UNC5D: variants seen among roughly 807,000 people sequenced by gnomAD.
UNC5D encodes the protein unc-5 netrin receptor D.
A neutral mutation model predicts 105.4 loss-of-function variants in UNC5D; 39 were observed. The observed-to-expected ratio is 0.37, with a 90% confidence interval of 0.29 to 0.48. The LOEUF is 0.48. Among genes scored for constraint, UNC5D ranks in the 20% least tolerant of loss-of-function variants. The pLI is 0.98. For missense variants in UNC5D, 991 were observed against 1,202.4 expected (o/e 0.82, Z 2.60); for synonymous variants, 452 against 450.4 (o/e 1.00, Z -0.04).
Position 35,274,269 on chromosome 8 carries a change from G to A in UNC5D, c.103+38382G>A, listed in dbSNP as rs889210866. ...AAAAGGACTGCCAGGGTGAAAAGCC[G>A]AGAGTGAAATGGTTTCTTCAGATGA... On this transcript the variant is annotated intron_variant, in intron 1 of 16. Transcript: ENST00000404895. Among the ~76,000 whole-genome samples, 11 of 152,186 alleles carry A rather than the reference G, an allele frequency of 7.2e-5. No homozygotes were observed. In the East Asian group the frequency reaches 9.6e-4, roughly 13 times the overall value.
rs1815949282 is a variant in UNC5D at position 35,549,527 on chromosome 8, G to C, written c.322+17G>C. On this transcript the variant is annotated intron_variant, in intron 2 of 16. Transcript: ENST00000404895. The stretch of plus-strand genomic sequence containing the variant: ...AGAGCTCAGGTAGGAGCGTGCAGCA[G>C]TCAGAAGCAGCTGTGGTGACTCTTT... The C allele has an allele frequency of 6.2e-7, 1 of 1,606,520 alleles. No individual in the cohort carries two copies. Among genetic ancestry groups the C allele is most frequent in the Non-Finnish European group, 8.5e-7 (1 of 1,176,816 alleles).
chr8:35,575,923 G>A (rs1343933930), intron 3 of UNC5D, among the ~76,000 whole-genome samples: 7 of 151,960 alleles, frequency 4.6e-5, no homozygotes, highest in African/African-American at 1.5e-4. Flanking sequence ...CTCACATTCC[G>A]GAGTATGCAT....
intron 1 of UNC5D, among the ~76,000 whole-genome samples, chr8:35,405,570 G>A (rs1218743630): frequency 6.6e-6 from 1 of 152,088 alleles, no homozygotes. Flanking sequence ...TGTGAAAGAA[G>A]TATAAGAAAA....
intron 3 of UNC5D, among the ~76,000 whole-genome samples, chr8:35,592,104 T>G (rs1003309533): frequency 6.6e-6 from 1 of 152,232 alleles, no homozygotes; most frequent in Non-Finnish European, 1.5e-5. Flanking sequence ...TTCAGTTTTC[T>G]GCAATATTCA....
intron 1 of UNC5D, among the ~76,000 whole-genome samples, chr8:35,471,836 T>C: frequency 6.6e-6 from 1 of 152,182 alleles, no homozygotes; most frequent in East Asian, 1.9e-4. Flanking sequence ...TAAAGATCCA[T>C]TGAGTTATTA....
Position 35,687,759 on chromosome 8 carries a change from C to A in UNC5D, c.1084+1050C>A, listed in dbSNP as rs981210303. 5.9e-5 allele frequency among the ~76,000 whole-genome samples: 9 copies of A among 152,084 alleles called. No individual in the cohort carries two copies. In the Middle Eastern group the frequency reaches 0.01, roughly 172 times the overall value. ...TGACTATAGTTACCAAATATGATACCCACTTTTTAGTATTGTCAAGGCTAA... is the reference window on the plus strand; with the variant it reads ...TGACTATAGTTACCAAATATGATACACACTTTTTAGTATTGTCAAGGCTAA... On this transcript the variant is annotated intron_variant, in intron 7 of 16. Transcript: ENST00000404895.
At chr8:35,258,833 C>T (rs1166497390) in intron 1 of UNC5D, among the ~76,000 whole-genome samples, 1 of 151,994 alleles carries the variant, frequency 6.6e-6, no homozygotes, top group Admixed American at 6.6e-5. Flanking sequence ...GGCATCACAG[C>T]CAAGAGCCTC....
chr8:35,372,581 G>A (rs1198987437), intron 1 of UNC5D, among the ~76,000 whole-genome samples: 1 of 151,194 alleles, frequency 6.6e-6, no homozygotes. Context: ...TTCATAATAG[G>A]CCAAATGCTC....
chr8:35,484,895 T>C (rs1430964855), intron 1 of UNC5D, among the ~76,000 whole-genome samples: 1 of 152,178 alleles, frequency 6.6e-6, no homozygotes, highest in Non-Finnish European at 1.5e-5. Context: ...TTATTCAATA[T>C]TGATGTAACA....
At chr8:35,407,827 A>G (rs2128955637) in intron 1 of UNC5D, among the ~76,000 whole-genome samples, 1 of 152,184 alleles carries the variant, frequency 6.6e-6, no homozygotes, top group African/African-American at 2.4e-5. Flanking sequence ...TGCTAAGGAT[A>G]ATGGCCTCCA....
chr8:35,436,327 T>C (rs971428463), intron 1 of UNC5D, among the ~76,000 whole-genome samples: 2 of 152,096 alleles, frequency 1.3e-5, no homozygotes, highest in Non-Finnish European at 1.5e-5. Flanking sequence ...TTTGAAGATG[T>C]TTAAATTTAT....
chr8:35,770,148 T>C (rs1221116904), intron 15 of UNC5D, among the ~76,000 whole-genome samples: 3 of 152,154 alleles, frequency 2.0e-5, no homozygotes. Flanking sequence ...CACATCATAC[T>C]TCATGTCCCC....
chr8:35,322,760 A>G (rs2128887331), intron 1 of UNC5D, among the ~76,000 whole-genome samples: 1 of 152,328 alleles, frequency 6.6e-6, no homozygotes, highest in Non-Finnish European at 1.5e-5. Context: ...TTTCCTAATC[A>G]TGGCACAAGG....
At chr8:35,708,240 G>C (rs1827719845) in intron 8 of UNC5D, among the ~76,000 whole-genome samples, 1 of 152,186 alleles carries the variant, frequency 6.6e-6, no homozygotes, top group South Asian at 2.1e-4. Flanking sequence ...GAGTTGCGGG[G>C]AGGTGTAAAA....
At chr8:35,431,788 G>A (rs116613625) in intron 1 of UNC5D, among the ~76,000 whole-genome samples, 2 of 151,952 alleles carry the variant, frequency 1.3e-5, no homozygotes, top group Non-Finnish European at 2.9e-5. Context: ...TCTATATTTC[G>A]ATAATGTGTG....
At chr8:35,697,295 T>C (rs1004770987) in intron 7 of UNC5D, among the ~76,000 whole-genome samples, 2 of 150,750 alleles carry the variant, frequency 1.3e-5, no homozygotes, top group African/African-American at 4.9e-5. Context: ...ATATATAATA[T>C]GAAAATAACA....
intron 1 of UNC5D, among the ~76,000 whole-genome samples, chr8:35,391,533 G>A (rs1458612768): frequency 6.6e-6 from 1 of 152,134 alleles, no homozygotes; most frequent in Admixed American, 6.5e-5. Context: ...CTTCACAGCT[G>A]TGTGAAGACA....
At chr8:35,483,519 G>T (rs1399944522) in intron 1 of UNC5D, among the ~76,000 whole-genome samples, 1 of 152,114 alleles carries the variant, frequency 6.6e-6, no homozygotes, top group Non-Finnish European at 1.5e-5. Flanking sequence ...CATTCATTTT[G>T]GTGGCTTTAG....
chr8:35,462,679 C>T (rs892603885), intron 1 of UNC5D, among the ~76,000 whole-genome samples: 2 of 152,098 alleles, frequency 1.3e-5, no homozygotes, highest in African/African-American at 4.8e-5. Flanking sequence ...AACATTTTCA[C>T]CTGATAGGAG....
Sources: gnomAD v4.1 joint callset for allele counts (sites outside exome capture counted in the v4.1 genomes callset) on GRCh38, gnomAD v4.1.1 for gene constraint, MANE v1.5 for transcripts, NCBI Gene and HGNC (gene_info 2026-07-23, HGNC 2026-07-21) for gene names.